Variants in CFAP70 observed in about 807,000 individuals in gnomAD.
CFAP70 encodes the protein cilia- and flagella-associated protein 70.
In CFAP70, 81 loss-of-function variants were observed where a neutral mutation model predicts 137.6. The ratio of observed to expected loss-of-function variants is 0.59; its 90% confidence interval spans 0.49 to 0.71. The LOEUF (loss-of-function observed/expected upper bound fraction) is 0.71, where lower values mean the gene tolerates loss of function less well. Ranked by LOEUF, CFAP70 falls within the 30% of genes least tolerant of loss-of-function variation. The pLI, the probability that CFAP70 is intolerant of heterozygous loss-of-function variation, is 0.00. For synonymous variants in CFAP70, 382 were observed against 423.6 expected, an observed-to-expected ratio of 0.90 and a Z score of 1.20; for missense variants, 976 against 1,226.7, an observed-to-expected ratio of 0.80 and a Z score of 3.05.
intron 22 of CFAP70, 79 bp from the exon 24 acceptor site, chr10:73,274,673 A>C (rs1839275228): frequency 1.6e-6 from 2 of 1,277,308 alleles, no homozygotes; most frequent in Non-Finnish European, 2.1e-6. Context: ...TTAACATTTA[A>C]ATTTAGATAG....
chr10:73,265,873 ATT>A (rs58877464), intron 25 of CFAP70, among the ~76,000 whole-genome samples: 6 of 141,896 alleles, frequency 4.2e-5, no homozygotes, highest in Admixed American at 1.4e-4. Context: ...TGTCATAGCT[ATT>A]TTTTTTTTTT....
At chr10:73,282,106 G>C (rs2131821558) in intron 19 of CFAP70, among the ~76,000 whole-genome samples, 1 of 119,916 alleles carries the variant, frequency 8.3e-6, no homozygotes, top group African/African-American at 3.7e-5. Context: ...ATTGAGGCTG[G>C]GGAAGGCTGG....
At chr10:73,353,459 A>G (rs575333818) in intron 3 of CFAP70, 97 bp downstream of exon 3, 6 of 1,097,552 alleles carry the variant, frequency 5.5e-6, no homozygotes, top group African/African-American at 4.7e-5. Flanking sequence ...GATTTTAGTT[A>G]CATGTTTAAA....
At chr10:73,276,963 C>A in intron 21 of CFAP70, 1 of 229,880 alleles carries the variant, frequency 4.4e-6, no homozygotes, top group Non-Finnish European at 8.4e-6. Context: ...AAATGAATTC[C>A]CATAATAAAG....
intron 15 of CFAP70, chr10:73,296,487 C>T (rs566993675): frequency 6.6e-6 from 1 of 152,376 alleles, no homozygotes; most frequent in East Asian, 1.9e-4. Context: ...AAGACTGTGA[C>T]TTTGTCACTG....
intron 21 of CFAP70, 50 bp downstream of exon 22, chr10:73,277,188 AAG>A: frequency 6.3e-7 from 1 of 1,575,226 alleles, no homozygotes; most frequent in East Asian, 2.3e-5. Flanking sequence ...GGATAGAATA[AAG>A]AGTTTGCTAA....
chr10:73,280,046 A>G (rs942280953), intron 19 of CFAP70, among the ~76,000 whole-genome samples: 8 of 152,224 alleles, frequency 5.3e-5, no homozygotes, highest in African/African-American at 1.9e-4. Context: ...TGTCTTATCA[A>G]TCTTTTTAAT....
intron 15 of CFAP70, chr10:73,294,889 T>G (rs1164986765): frequency 1.3e-5 from 2 of 152,262 alleles, no homozygotes; most frequent in African/African-American, 4.8e-5. Context: ...CCATTTAAAT[T>G]CTTGGTCCTT....
intron 9 of CFAP70, among the ~76,000 whole-genome samples, chr10:73,318,241 G>T (rs2050558661): frequency 6.6e-6 from 1 of 152,174 alleles, no homozygotes; most frequent in Non-Finnish European, 1.5e-5. Context: ...ATGGTGAAAT[G>T]ACTTTTTGTC....
chr10:73,359,606 AG>A (rs1193308172), upstream of CFAP70, among the ~76,000 whole-genome samples: 10 of 152,228 alleles, frequency 6.6e-5, no homozygotes, highest in Non-Finnish European at 1.5e-4. Flanking sequence ...CTTTCAAAGT[AG>A]GATGCCAACC....
chr10:73,286,497 TA>T (rs1488273059), intron 19 of CFAP70, among the ~76,000 whole-genome samples: 1 of 152,020 alleles, frequency 6.6e-6, no homozygotes, highest in Non-Finnish European at 1.5e-5. Context: ...CAAACTAAAT[TA>T]GTTTACCAAC....
intron 21 of CFAP70, chr10:73,276,479 T>C (rs189435502): frequency 5.9e-5 from 9 of 152,332 alleles, no homozygotes; most frequent in African/African-American, 2.2e-4. Context: ...TAATGACTTA[T>C]TTAGCTGTGG....
chr10:73,324,813 C>A (rs2051235252), intron 8 of CFAP70, among the ~76,000 whole-genome samples: 1 of 152,100 alleles, frequency 6.6e-6, no homozygotes, highest in Non-Finnish European at 1.5e-5. Flanking sequence ...ACAAACAAAG[C>A]CTCCAAGAAA....
chr10:73,278,283 A>C, exon 20 of CFAP70: 1 of 1,614,022 alleles, frequency 6.2e-7, no homozygotes, highest in Non-Finnish European at 8.5e-7. Flanking sequence ...ATCAGACTGC[A>C]GTTTGGAGGA....
chr10:73,356,151 C>T (rs12572595), intron 1 of CFAP70, among the ~76,000 whole-genome samples: 10,532 of 151,338 alleles, frequency 0.07, 623 homozygotes, highest in East Asian at 0.3. Flanking sequence ...CAAACAATTT[C>T]GATAATAAAT....
intron 8 of CFAP70, among the ~76,000 whole-genome samples, chr10:73,327,998 G>C (rs945822988): frequency 9.9e-5 from 15 of 152,082 alleles, no homozygotes; most frequent in Admixed American, 3.9e-4. Context: ...CTTTAAAGTT[G>C]TTATGGAACC....
chr10:73,283,755 C>T (rs1273594734), intron 19 of CFAP70, among the ~76,000 whole-genome samples: 1 of 152,100 alleles, frequency 6.6e-6, no homozygotes. Flanking sequence ...CAGGTTCTCA[C>T]TATGTTGTCC....
intron 13 of CFAP70, 136 bp downstream of exon 14, chr10:73,299,469 C>A: frequency 1.5e-6 from 1 of 689,262 alleles, no homozygotes; most frequent in Non-Finnish European, 2.5e-6. Flanking sequence ...ACAAATGGAA[C>A]CAGCAATGAA....
Position 73,311,917 on chromosome 10 carries a change from GA to G in CFAP70, c.1084-4del. 6.2e-7 allele frequency: 1 copy of G among 1,611,464 alleles called. No individual in the cohort carries two copies. Among genetic ancestry groups the G allele is most frequent in the Non-Finnish European group, 8.5e-7 (1 of 1,177,708 alleles). On this transcript the variant is annotated splice_region_variant and splice_polypyrimidine_tract_variant and intron_variant, in intron 10 of 26. Transcript: ENST00000310715. Reference sequence around the variant, plus strand: ...TGAGATTTTATACTAGGTGCCTGCTGAAAGAAAATGAACACACCTCAAAAAT... The same window carrying G: ...TGAGATTTTATACTAGGTGCCTGCTGAAGAAAATGAACACACCTCAAAAAT...
Sources: allele counts gnomAD v4.1 joint callset (sites outside exome capture counted in the v4.1 genomes callset), GRCh38; gene constraint gnomAD v4.1.1; transcripts MANE v1.5; gene names NCBI Gene and HGNC (gene_info 2026-07-23, HGNC 2026-07-21).